Variants in UNC13C observed in about 807,000 individuals in gnomAD.
UNC13C encodes the protein protein unc-13 homolog C.
Under a neutral mutation model 245.4 loss-of-function variants are expected in UNC13C, and 174 were observed. That is an observed-to-expected ratio of 0.71 (90% CI 0.63 to 0.80). The LOEUF is 0.80. Among genes scored for constraint, UNC13C ranks in the 30% least tolerant of loss-of-function variants. UNC13C has a pLI of 0.00. For missense variants in UNC13C, 2,829 were observed against 2,602.9 expected, an observed-to-expected ratio of 1.09 and a Z score of -1.89; for synonymous variants, 992 against 895.1, an observed-to-expected ratio of 1.11 and a Z score of -1.93.
chr15:54,605,444 A>T (rs1429710933), intron 30 of UNC13C, among the ~76,000 whole-genome samples: 1 of 152,098 alleles, frequency 6.6e-6, no homozygotes, highest in Non-Finnish European at 1.5e-5. Context: ...GCTCTCAAAA[A>T]TACTCTTTTG....
chr15:54,151,040 C>G (rs1036042487), intron 4 of UNC13C, among the ~76,000 whole-genome samples: 1 of 152,166 alleles, frequency 6.6e-6, no homozygotes, highest in Non-Finnish European at 1.5e-5. Flanking sequence ...TTGATCATCT[C>G]TCTTTCTGGC....
At chr15:54,007,482 C>A (rs1895192558) in intron 1 of UNC13C, among the ~76,000 whole-genome samples, 1 of 152,020 alleles carries the variant, frequency 6.6e-6, no homozygotes, top group Non-Finnish European at 1.5e-5. Context: ...AAGGTGGAAG[C>A]CATTATCCTT....
chr15:54,003,113 G>A (rs897386320), intron 1 of UNC13C, among the ~76,000 whole-genome samples: 29 of 152,274 alleles, frequency 1.9e-4, no homozygotes, highest in African/African-American at 6.0e-4. Flanking sequence ...GCAGTGAAGT[G>A]GGACTCTAAC....
At chr15:54,376,581 T>C (rs976095456) in intron 17 of UNC13C, among the ~76,000 whole-genome samples, 4 of 152,316 alleles carry the variant, frequency 2.6e-5, no homozygotes, top group African/African-American at 7.2e-5. Flanking sequence ...CTGTCATAGT[T>C]TGGGTTGTCC....
At chr15:54,447,191 G>C (rs141306435) in intron 19 of UNC13C, among the ~76,000 whole-genome samples, 13,590 of 152,212 alleles carry the variant, frequency 0.089, 770 homozygotes, top group African/African-American at 0.16. Flanking sequence ...GATTCAGTTT[G>C]TCAGTATTTT....
chr15:54,619,705 G>A (rs1900673753), intron 30 of UNC13C, among the ~76,000 whole-genome samples: 1 of 152,176 alleles, frequency 6.6e-6, no homozygotes, highest in Non-Finnish European at 1.5e-5. Context: ...TGTTTAAACT[G>A]TGGAAGCAAC....
the UNC13C span, among the ~76,000 whole-genome samples, chr15:53,870,760 T>C: frequency 3.9e-5 from 6 of 152,170 alleles, no homozygotes; most frequent in Non-Finnish European, 8.8e-5. Context: ...TACCAATAAG[T>C]AAGCCAAAGC....
At chr15:53,942,498 G>A in the UNC13C span, among the ~76,000 whole-genome samples, 2 of 150,820 alleles carry the variant, frequency 1.3e-5, no homozygotes, top group Non-Finnish European at 3.0e-5. Flanking sequence ...AACCACCATG[G>A]CACTTGTTTA....
chr15:54,405,849 G>A (rs1388634164), intron 18 of UNC13C, among the ~76,000 whole-genome samples: 13 of 152,082 alleles, frequency 8.5e-5, no homozygotes, highest in Non-Finnish European at 1.5e-5. Flanking sequence ...CTTTGCAAAT[G>A]TTACTAAGTT....
intron 19 of UNC13C, among the ~76,000 whole-genome samples, chr15:54,438,110 T>C (rs1451198352): frequency 6.6e-6 from 1 of 151,866 alleles, no homozygotes; most frequent in African/African-American, 2.4e-5. Flanking sequence ...GGAAAGCCTA[T>C]AGACTCATCT....
chr15:54,256,630 A>G (rs1347526112), intron 8 of UNC13C, among the ~76,000 whole-genome samples: 2 of 152,198 alleles, frequency 1.3e-5, no homozygotes, highest in African/African-American at 4.8e-5. Flanking sequence ...GTCACTTAGT[A>G]GCTTTCTTGG....
intron 17 of UNC13C, among the ~76,000 whole-genome samples, chr15:54,371,425 A>G (rs1317543830): frequency 6.6e-6 from 1 of 152,070 alleles, no homozygotes. Context: ...TGCCATCAAC[A>G]TTGCACCCCA....
intron 2 of UNC13C, among the ~76,000 whole-genome samples, chr15:54,061,369 CTATT>C (rs1457154495): frequency 3.3e-5 from 5 of 152,040 alleles, no homozygotes; most frequent in Non-Finnish European, 5.9e-5. Context: ...AAATGGTACT[CTATT>C]TAGTAAATTT....
intron 13 of UNC13C, among the ~76,000 whole-genome samples, chr15:54,309,239 C>T (rs2037806584): frequency 6.6e-6 from 1 of 151,724 alleles, no homozygotes; most frequent in Non-Finnish European, 1.5e-5. Context: ...TTTTAATTTG[C>T]ATTTCTCTGA....
At chr15:54,233,506 T>C (rs889316281) in intron 4 of UNC13C, among the ~76,000 whole-genome samples, 1 of 152,236 alleles carries the variant, frequency 6.6e-6, no homozygotes, top group East Asian at 1.9e-4. Flanking sequence ...ATATATGTTA[T>C]GGCATCATTA....
At chr15:54,261,411 T>G (rs2036420663) in intron 8 of UNC13C, among the ~76,000 whole-genome samples, 2 of 152,222 alleles carry the variant, frequency 1.3e-5, no homozygotes, top group Non-Finnish European at 2.9e-5. Context: ...GGAAAGTACT[T>G]GTAAATCAGT....
the UNC13C span, chr15:53,911,283 A>T: frequency 1.3e-5 from 2 of 152,252 alleles, no homozygotes; most frequent in Non-Finnish European, 2.9e-5. Context: ...CAGGAACAGG[A>T]TTTAGCAACA....
At chr15:53,964,502 ATACTC>A in the UNC13C span, among the ~76,000 whole-genome samples, 1 of 152,208 alleles carries the variant, frequency 6.6e-6, no homozygotes, top group African/African-American at 2.4e-5. Flanking sequence ...ATATTTTTCT[ATACTC>A]TAAGGACATG....
intron 10 of UNC13C, among the ~76,000 whole-genome samples, chr15:54,280,334 A>G (rs1044210526): frequency 1.3e-5 from 2 of 152,046 alleles, no homozygotes; most frequent in Non-Finnish European, 2.9e-5. Context: ...TTAAAGGGGT[A>G]AATGATATGT....
Sources: gnomAD v4.1 joint callset for allele counts (sites outside exome capture counted in the v4.1 genomes callset) on GRCh38, gnomAD v4.1.1 for gene constraint, MANE v1.5 for transcripts, NCBI Gene and HGNC (gene_info 2026-07-23, HGNC 2026-07-21) for gene names.